C8orf34: variants seen among roughly 807,000 people sequenced by gnomAD.
C8orf34 encodes chromosome 8 open reading frame 34.
Under a neutral mutation model 68.3 loss-of-function variants are expected in C8orf34, and 65 were observed. The ratio of observed to expected loss-of-function variants is 0.95; its 90% confidence interval spans 0.78 to 1.17. The LOEUF (loss-of-function observed/expected upper bound fraction) is 1.17. Ranked by LOEUF, C8orf34 falls within the 50% of genes most tolerant of loss-of-function variation. The pLI is 0.00. For synonymous variants in C8orf34, 244 were observed against 241.2 expected, an observed-to-expected ratio of 1.01 and a Z score of -0.11; for missense variants, 664 against 655.4, an observed-to-expected ratio of 1.01 and a Z score of -0.14.
At chr8:68,549,961 C>A (rs1265695524) in intron 7 of C8orf34, among the ~76,000 whole-genome samples, 1 of 151,688 alleles carries the variant, frequency 6.6e-6, no homozygotes, top group Admixed American at 6.6e-5. Flanking sequence ...TTTCTCTATC[C>A]ATTTAATTTA....
At chr8:68,566,029 G>A (rs1428560129) in intron 7 of C8orf34, among the ~76,000 whole-genome samples, 1 of 152,142 alleles carries the variant, frequency 6.6e-6, no homozygotes, top group East Asian at 1.9e-4. Context: ...CATTGTTTTT[G>A]TAAAGCCTGG....
chr8:68,798,982 T>G (rs952858484), intron 12 of C8orf34, among the ~76,000 whole-genome samples: 1 of 152,230 alleles, frequency 6.6e-6, no homozygotes, highest in Non-Finnish European at 1.5e-5. Flanking sequence ...TATTAACATG[T>G]CTTTGTCATG....
At chr8:68,631,509 G>A (rs777503155) in intron 7 of C8orf34, among the ~76,000 whole-genome samples, 8 of 152,038 alleles carry the variant, frequency 5.3e-5, no homozygotes, top group Non-Finnish European at 8.8e-5. Flanking sequence ...TATCATCTAA[G>A]ACTAAACTCT....
chr8:68,650,646 A>T (rs965414764), intron 8 of C8orf34, among the ~76,000 whole-genome samples: 4 of 151,356 alleles, frequency 2.6e-5, no homozygotes, highest in African/African-American at 9.7e-5. Flanking sequence ...CGCCCGGCTA[A>T]TTTTTTGTAT....
chr8:68,606,886 T>A (rs908172583), intron 7 of C8orf34, among the ~76,000 whole-genome samples: 1 of 152,158 alleles, frequency 6.6e-6, no homozygotes, highest in East Asian at 1.9e-4. Flanking sequence ...ATTGGATATT[T>A]TGACATGCAA....
At chr8:68,631,872 T>C (rs1818699681) in intron 7 of C8orf34, among the ~76,000 whole-genome samples, 1 of 152,204 alleles carries the variant, frequency 6.6e-6, no homozygotes, top group Non-Finnish European at 1.5e-5. Context: ...CCTCCTCAGC[T>C]ATGTGGAACT....
chr8:68,339,981 A>C (rs573494839), intron 1 of C8orf34, among the ~76,000 whole-genome samples: 1 of 152,178 alleles, frequency 6.6e-6, no homozygotes, highest in Non-Finnish European at 1.5e-5. Context: ...TTGAATAAAA[A>C]CTTTTCATAA....
chr8:68,386,318 T>C (rs768915354), intron 1 of C8orf34, among the ~76,000 whole-genome samples: 1 of 152,130 alleles, frequency 6.6e-6, no homozygotes, highest in African/African-American at 2.4e-5. Context: ...TTTAGAATAT[T>C]CCAAATGCAA....
At position 68,371,781 on chromosome 8, in the gene C8orf34, G is replaced by A. The variant is rs566862343; in HGVS notation, c.327+40442G>A. On this transcript the variant is annotated intron_variant, in intron 1 of 13. Coordinates refer to ENST00000518698, the MANE Select transcript of C8orf34 (RefSeq NM_052958.4). ...CACCCAGCTAATTTTTGTATTTTTA[G>A]TAGAGAGGTGATTTCACCATGTTGG... Among the ~76,000 whole-genome samples, 35 of 152,014 alleles carry A rather than the reference G, an allele frequency of 2.3e-4. 1 individual carries two copies. In the South Asian group the frequency reaches 6.6e-3, roughly 29 times the overall value.
intron 1 of C8orf34, among the ~76,000 whole-genome samples, chr8:68,357,745 C>A (rs962979221): frequency 6.6e-6 from 1 of 152,134 alleles, no homozygotes; most frequent in East Asian, 1.9e-4. Context: ...ATTAAAATGG[C>A]AGTTTTGTCT....
intron 1 of C8orf34, among the ~76,000 whole-genome samples, chr8:68,379,488 G>A (rs560453277): frequency 3.2e-4 from 49 of 152,338 alleles, no homozygotes; most frequent in African/African-American, 1.1e-3. Flanking sequence ...TGACTGAGAT[G>A]ACATTTAGAT....
In C8orf34 at chr8:68,464,979, A is replaced by T. The variant is rs868177638; in HGVS notation, c.608-3713A>T. 4.7e-3 allele frequency among the ~76,000 whole-genome samples: 713 copies of T among 150,922 alleles called. 5 individuals are homozygous for T. Among genetic ancestry groups the T allele is most frequent in the Middle Eastern group, 0.031 (9 of 292 alleles). On this transcript the variant is annotated intron_variant, in intron 3 of 13. Transcript: ENST00000518698. ...TCTAATTAAACTAAAGAGCTTCTGC[A>T]CAGCAAAAGAAACTACCATCAGAGT...
chr8:68,579,731 T>A (rs1176913590), intron 7 of C8orf34, among the ~76,000 whole-genome samples: 1 of 152,166 alleles, frequency 6.6e-6, no homozygotes, highest in Non-Finnish European at 1.5e-5. Context: ...GCAAGTGCCT[T>A]CTAAGGGAGG....
At chr8:68,667,100 A>C (rs1483553284) in intron 8 of C8orf34, among the ~76,000 whole-genome samples, 1 of 151,904 alleles carries the variant, frequency 6.6e-6, no homozygotes, top group South Asian at 2.1e-4. Context: ...AATTTGATTA[A>C]TTTTTTTTGC....
chr8:68,473,422 G>A (rs528919351), intron 4 of C8orf34, among the ~76,000 whole-genome samples: 1 of 152,210 alleles, frequency 6.6e-6, no homozygotes, highest in East Asian at 1.9e-4. Context: ...GTGCCATGTT[G>A]TCTGCTCCCT....
At chr8:68,400,424 C>T (rs1243615156) in intron 1 of C8orf34, among the ~76,000 whole-genome samples, 1 of 150,200 alleles carries the variant, frequency 6.7e-6, no homozygotes, top group South Asian at 2.1e-4. Flanking sequence ...GCAAAGTTCC[C>T]CAGCACTATT....
chr8:68,749,678 T>C (rs931527878), intron 10 of C8orf34, among the ~76,000 whole-genome samples: 7 of 152,206 alleles, frequency 4.6e-5, no homozygotes, highest in African/African-American at 1.7e-4. Context: ...AGAAATTTCA[T>C]ATAAATGGAA....
At chr8:68,572,840 C>T (rs1382997686) in intron 7 of C8orf34, among the ~76,000 whole-genome samples, 1 of 152,082 alleles carries the variant, frequency 6.6e-6, no homozygotes, top group Non-Finnish European at 1.5e-5. Context: ...TTATGTGTTT[C>T]AAATCATTAT....
At chr8:68,598,902 G>A (rs1025212777) in intron 7 of C8orf34, among the ~76,000 whole-genome samples, 1 of 152,066 alleles carries the variant, frequency 6.6e-6, no homozygotes, top group Non-Finnish European at 1.5e-5. Context: ...CTCTATAAAA[G>A]ACAGGTAAAT....
Sources: gnomAD v4.1 joint callset for allele counts (sites outside exome capture counted in the v4.1 genomes callset) on GRCh38, gnomAD v4.1.1 for gene constraint, MANE v1.5 for transcripts, NCBI Gene and HGNC (gene_info 2026-07-23, HGNC 2026-07-21) for gene names.